The following PTPN11 variants were observed in gnomAD, a reference collection of about 807,000 sequenced individuals.
PTPN11 encodes the protein tyrosine-protein phosphatase non-receptor type 11.
Under a neutral mutation model 78.8 loss-of-function variants are expected in PTPN11, and 6 were observed. The ratio of observed to expected loss-of-function variants is 0.08; its 90% CI spans 0.04 to 0.15. PTPN11 has a LOEUF of 0.15. PTPN11 is among the 10% of genes least tolerant of loss of function. PTPN11 has a pLI of 1.00. For missense variants in PTPN11, 386 were observed against 744.8 expected (o/e 0.52, Z 5.61); for synonymous variants, 221 against 263.5 (o/e 0.84, Z 1.56).
In PTPN11 at chr12:112,504,488, C is replaced by T. The variant is rs929065020; in HGVS notation, c.1713-207C>T. Among the ~76,000 whole-genome samples the T allele has an allele frequency of 2.0e-5, 3 of 152,174 alleles. No individual in the cohort carries two copies. The highest frequency in any genetic ancestry group is 4.4e-5 in the Non-Finnish European group (3 of 68,024). ...GATTACAGGCGTGAGCCACCATGCC[C>T]AGCGTTATTTCACTTCTGCCTCTGT... is the stretch of plus-strand genomic sequence containing the variant. On this transcript the variant is annotated intron_variant, in intron 14 of 15. Transcript: ENST00000351677. The surrounding 1 kb of genome is among the most constrained non-coding windows in gnomAD (Gnocchi z 4.7).
chr12:112,486,860 A>C lies in PTPN11; in HGVS notation c.1379+231A>C, dbSNP rs1231203848. ...TGGCAACATGCTCAGTTAAAACAGCAAAGACTAAGTCAGCATTATCTCTGA... is the reference window on the plus strand; with the variant it reads ...TGGCAACATGCTCAGTTAAAACAGCCAAGACTAAGTCAGCATTATCTCTGA... On this transcript the variant is annotated intron_variant, in intron 11 of 15. Transcript: ENST00000351677. 10 of 1,427,300 alleles carry C rather than the reference A, an allele frequency of 7.0e-6. No homozygotes were observed. In the Admixed American group the frequency reaches 8.5e-5, roughly 12 times the overall value. The allele number at this position is 1,427,300 out of a possible 1,614,324, so 88.4% of individuals were successfully genotyped here.
chr12:112,468,433 C>G (rs896628830), intron 6 of PTPN11, among the ~76,000 whole-genome samples: 1 of 152,166 alleles, frequency 6.6e-6, no homozygotes, highest in Non-Finnish European at 1.5e-5. Context: ...TGGAAAGTCA[C>G]AACTTCTGAA....
chr12:112,420,542 C>T (rs1007299663), intron 1 of PTPN11, among the ~76,000 whole-genome samples: 16 of 152,106 alleles, frequency 1.1e-4, no homozygotes, highest in African/African-American at 3.6e-4. Context: ...CAGGGTTTCA[C>T]TATGTTGGCC....
intron 3 of PTPN11, 84 bp downstream of exon 3, chr12:112,450,596 C>G: frequency 1.5e-6 from 2 of 1,311,864 alleles, no homozygotes; most frequent in South Asian, 1.2e-5. Flanking sequence ...GTGTATGACT[C>G]TCTGACTCCA....
At position 112,459,908 on chromosome 12, in the gene PTPN11, T is replaced by TACACAC. The variant is rs56846748; in HGVS notation, c.756+3874_756+3879dup. Among the ~76,000 whole-genome samples, 736 of 146,980 alleles carry TACACAC rather than the reference T, an allele frequency of 5.0e-3. 5 individuals are homozygous for TACACAC. Among genetic ancestry groups the TACACAC allele is most frequent in the Middle Eastern group, 0.01 (3 of 290 alleles). ...ATATCAGTCACATTTTCCTGATTGC[T>TACACAC]ACACACACACACACACACACACACA... On this transcript the variant is annotated intron_variant, in intron 6 of 15. Transcript: ENST00000351677.
At chr12:112,493,873 C>A (rs1437167853) in intron 13 of PTPN11, among the ~76,000 whole-genome samples, 1 of 152,148 alleles carries the variant, frequency 6.6e-6, no homozygotes, top group Admixed American at 6.6e-5. Flanking sequence ...ATTCCACATA[C>A]AAATGAGATC....
intron 10 of PTPN11, among the ~76,000 whole-genome samples, chr12:112,485,064 C>T (rs528971531): frequency 1.3e-5 from 2 of 152,024 alleles, no homozygotes; most frequent in Non-Finnish European, 2.9e-5. Context: ...AGTACAAGAC[C>T]AGCCTGGCCA....
chr12:112,467,392 G>T (rs2038347197), intron 6 of PTPN11, among the ~76,000 whole-genome samples: 1 of 152,208 alleles, frequency 6.6e-6, no homozygotes, highest in Non-Finnish European at 1.5e-5. Context: ...TGCTTCTGGT[G>T]AGGGCCTCAG....
intron 6 of PTPN11, among the ~76,000 whole-genome samples, chr12:112,470,084 G>T (rs2038391375): frequency 6.6e-6 from 1 of 152,046 alleles, no homozygotes; most frequent in South Asian, 2.1e-4. Context: ...ACTATGTCTG[G>T]CTAATCTTTA....
intron 13 of PTPN11, among the ~76,000 whole-genome samples, chr12:112,491,831 G>A (rs1440722211): frequency 1.3e-5 from 2 of 152,010 alleles, no homozygotes; most frequent in African/African-American, 4.8e-5. Flanking sequence ...TCAGCCTCTC[G>A]AGTAGCTGGA....
intron 7 of PTPN11, among the ~76,000 whole-genome samples, chr12:112,475,602 A>C (rs1172452120): frequency 6.6e-6 from 1 of 152,184 alleles, no homozygotes; most frequent in African/African-American, 2.4e-5. Flanking sequence ...GCTTGCCTGT[A>C]GTGCATATGT....
At chr12:112,455,085 TTTGGGA>T (rs1340781221) in intron 5 of PTPN11, among the ~76,000 whole-genome samples, 1 of 151,744 alleles carries the variant, frequency 6.6e-6, no homozygotes, top group Admixed American at 6.6e-5. Context: ...CTCCCGAAGT[TTTGGGA>T]TTACAGGCGT....
chr12:112,441,843 C>G (rs998400828), intron 1 of PTPN11, among the ~76,000 whole-genome samples: 2 of 150,524 alleles, frequency 1.3e-5, no homozygotes, highest in Non-Finnish European at 2.9e-5. Context: ...CAGTGGTGAT[C>G]TGGGCTCACT....
At chr12:112,426,237 A>G (rs2037613083) in intron 1 of PTPN11, among the ~76,000 whole-genome samples, 1 of 152,122 alleles carries the variant, frequency 6.6e-6, no homozygotes, top group Non-Finnish European at 1.5e-5. Context: ...ATTTCCTGAC[A>G]GATAGTTCAG....
intron 10 of PTPN11, among the ~76,000 whole-genome samples, chr12:112,485,493 T>G (rs886196249): frequency 6.6e-6 from 1 of 152,184 alleles, no homozygotes; most frequent in East Asian, 1.9e-4. Context: ...GCGAGCTCAC[T>G]GAGTCCTTAA....
In PTPN11 at chr12:112,455,959, A is replaced by T. The variant is rs768555552; in HGVS notation, c.652A>T (p.Thr218Ser). The change falls in exon 6 of 16, where the codon ACG becomes TCG. Residue 218 changes from threonine to serine, a missense_variant. Around this residue, in one of 3 missense-constraint regions of PTPN11, gnomAD observed 279 missense variants for 503.3 expected, o/e 0.55. Transcript: ENST00000351677. Reference protein sequence around the residue: ...TVLQLKQPLNTTRINAAEIES... With the variant: ...TVLQLKQPLNSTRINAAEIES... The stretch of plus-strand genomic sequence containing the variant: ...TGCTGTACTCGATCAGCCCCTTAAC[A>T]CGACTCGTATAAATGCTGCTGAAAT... 1 of 1,603,392 alleles carries T rather than the reference A, an allele frequency of 6.2e-7. No individual in the cohort carries two copies. The highest frequency in any genetic ancestry group is 1.3e-5 in the African/African-American group (1 of 74,386).
At chr12:112,453,520 G>T in intron 4 of PTPN11, 133 bp downstream of exon 4, 1 of 762,088 alleles carries the variant, frequency 1.3e-6, no homozygotes, top group Non-Finnish European at 2.0e-6. Context: ...TTATTTATTT[G>T]AGACAGGGTC....
intron 6 of PTPN11, among the ~76,000 whole-genome samples, chr12:112,458,307 C>T (rs1167025472): frequency 1.3e-5 from 2 of 152,212 alleles, no homozygotes; most frequent in Non-Finnish European, 2.9e-5. Flanking sequence ...AACTTCTGGG[C>T]TCACGCCATC....
intron 4 of PTPN11, among the ~76,000 whole-genome samples, chr12:112,453,651 T>G (rs1285389461): frequency 4.6e-5 from 7 of 151,706 alleles, no homozygotes; most frequent in Admixed American, 1.3e-4. Context: ...TTTCTGTTTT[T>G]TTTTTTTTTT....
Sources: allele counts gnomAD v4.1 joint callset (sites outside exome capture counted in the v4.1 genomes callset), GRCh38; gene constraint gnomAD v4.1.1; regional missense constraint gnomAD v4.1.1; non-coding constraint Gnocchi (gnomAD v3.1); transcripts MANE v1.5; gene names NCBI Gene and HGNC (gene_info 2026-07-23, HGNC 2026-07-21).